Variants in CCDC47 observed in about 807,000 individuals in gnomAD.
The protein encoded by CCDC47 is coiled-coil domain containing 47, also known as PAT complex subunit CCDC47.
CCDC47 carries 41 observed loss-of-function variants against 60.5 expected under a neutral mutation model. The observed-to-expected ratio is 0.68, with a 90% CI of 0.53 to 0.88. The LOEUF is 0.88. Among genes scored for constraint, CCDC47 ranks in the 40% least tolerant of loss-of-function variants. The pLI is 0.00. For synonymous variants in CCDC47, 195 were observed against 190.7 expected, an observed-to-expected ratio of 1.02 and a Z score of -0.18; for missense variants, 513 against 580.9, an observed-to-expected ratio of 0.88 and a Z score of 1.20.
chr17:63,753,647 T>C, intron 9 of CCDC47: 4 of 982,908 alleles, frequency 4.1e-6, no homozygotes, highest in Non-Finnish European at 4.8e-6. Context: ...ACAGTATTAC[T>C]ATAAAGCTAG....
In CCDC47 at chr17:63,752,422, G is replaced by T; in HGVS notation, c.1101C>A (p.Gly367=). The T allele has an allele frequency of 6.2e-7, 1 of 1,605,004 alleles. No homozygotes were observed. Among genetic ancestry groups the T allele is most frequent in the Non-Finnish European group, 8.5e-7 (1 of 1,174,700 alleles). The change falls in exon 11 of 13, where the codon GGC becomes GGA. Residue 367 remains glycine, a synonymous_variant. Transcript: ENST00000225726. The stretch of plus-strand genomic sequence containing the variant: ...TATCCTTTGGGTAAGTGTTACCTGA[G>T]CCAGGCACTGGAAAACAAAGCCATT... ...RTLLFTFNVP[G]SGNTYPKDME...
At chr17:63,767,941 G>C (rs1283410230) in intron 1 of CCDC47, among the ~76,000 whole-genome samples, 1 of 151,968 alleles carries the variant, frequency 6.6e-6, no homozygotes, top group Non-Finnish European at 1.5e-5. Context: ...TCAAATCCTG[G>C]TGTTTCCTTC....
In CCDC47 at chr17:63,765,933, A is replaced by C. The variant is rs187171771; in HGVS notation, c.243T>G (p.Asp81Glu). The change falls in exon 2 of 13, where the codon GAT becomes GAG. Residue 81 changes from aspartate (D) to glutamate (E), a missense_variant. Coordinates refer to ENST00000225726, the MANE Select transcript of CCDC47 (RefSeq NM_020198.3). ...LEGQDENQEG[D>E]FEDADTQEGD... is the part of the protein sequence containing the mutation. ...TCACCTGGGTATCTGCATCTTCAAAATCTCCTTCTTGGTTTTCATCCTGCC... is the reference window on the plus strand; with the variant it reads ...TCACCTGGGTATCTGCATCTTCAAACTCTCCTTCTTGGTTTTCATCCTGCC... 6.2e-7 allele frequency: 1 copy of C among 1,612,386 alleles called. No individual in the cohort carries two copies. The highest frequency in any genetic ancestry group is 2.2e-5 in the East Asian group (1 of 44,820).
intron 1 of CCDC47, among the ~76,000 whole-genome samples, chr17:63,770,032 G>A (rs2039326109): frequency 2.0e-5 from 3 of 149,954 alleles, no homozygotes; most frequent in Non-Finnish European, 3.0e-5. Context: ...GTGATCTCGG[G>A]TCACTGCAAC....
chr17:63,752,343 T>C lies in CCDC47; in HGVS notation c.1180A>G (p.Lys394Glu). ...NMVIYSIDKA[K>E]KFRLNREGKQ... ...ACTTCTCTGTTGAGTCGGAACTTTT[T>C]GGCTTTATCAATAGAATAAATCACC... The change falls in exon 11 of 13, where the codon AAA (lysine) becomes GAA (glutamate). Residue 394 changes from lysine to glutamate, a missense_variant. Transcript: ENST00000225726. The C allele has an allele frequency of 6.2e-7, 1 of 1,613,658 alleles. No individual in the cohort carries two copies. The highest frequency in any genetic ancestry group is 2.2e-5 in the East Asian group (1 of 44,878).
At chr17:63,748,624 A>C (rs8067064) in intron 12 of CCDC47, among the ~76,000 whole-genome samples, 40,616 of 151,988 alleles carry the variant, frequency 0.27, 5,654 homozygotes, top group Middle Eastern at 0.37. Flanking sequence ...CATATTACAC[A>C]CATGTGTAAA....
rs887429036 is a variant in CCDC47 at position 63,746,812 on chromosome 17, G to C, written c.*69C>G. 3 of 1,131,762 alleles carry C rather than the reference G, an allele frequency of 2.7e-6. No individual in the cohort carries two copies. In the African/African-American group the frequency reaches 4.6e-5, roughly 17 times the overall value. 70.1% of individuals were successfully genotyped at this position (1,131,762 alleles called of 1,614,324 possible). A position where few individuals can be genotyped will look rare whatever the true frequency, so the allele number is the denominator to read the frequency against. On this transcript the variant is annotated 3_prime_UTR_variant, in exon 13 of 13. Transcript: ENST00000225726. ...AAATTTAAGGTTGAGAAATGGACTG[G>C]CGTTTTTCATGTTTCCTGTGAATTC...
At chr17:63,751,712 G>C (rs1394268958) in intron 12 of CCDC47, 3 of 583,578 alleles carry the variant, frequency 5.1e-6, no homozygotes, top group South Asian at 2.2e-5. Flanking sequence ...ATTGTGCTGG[G>C]GGAACAGGAT....
chr17:63,769,019 G>C (rs2039316598), intron 1 of CCDC47, among the ~76,000 whole-genome samples: 1 of 151,818 alleles, frequency 6.6e-6, no homozygotes, highest in African/African-American at 2.4e-5. Context: ...GGGAGGCAGA[G>C]GTTGCTGTGA....
chr17:63,752,181 T>A, intron 11 of CCDC47, 74 bp from the exon 12 acceptor site: 1 of 1,562,922 alleles, frequency 6.4e-7, no homozygotes, highest in Admixed American at 1.8e-5. Context: ...TTTAGCATTC[T>A]TTCATAAAAC....
intron 12 of CCDC47, 110 bp downstream of exon 12, chr17:63,751,827 ATGT>A (rs759463807): frequency 1.7e-6 from 2 of 1,151,220 alleles, no homozygotes. Flanking sequence ...AATGTCCCAA[ATGT>A]TGAGAAAATG....
rs770930100 is a variant in CCDC47, at chr17:63,759,527, TTATATATATATATATATATATA to T, written c.735+1365_735+1386del. ...AAAAAAAATATATATATATATATAT[TTATATATATATATATATATATA>T]TATATATATATATATATATATATAT... On this transcript the variant is annotated intron_variant, in intron 6 of 12. Transcript: ENST00000225726. Among the ~76,000 whole-genome samples the T allele has an allele frequency of 8.3e-3, 33 of 3,958 alleles. 4 individuals carry two copies. The highest frequency in any genetic ancestry group is 0.029 in the East Asian group (4 of 140). The allele number at this position is 3,958 out of a possible 152,430, so 2.6% of individuals were successfully genotyped here.
intron 1 of CCDC47, among the ~76,000 whole-genome samples, chr17:63,768,800 A>G (rs1347727246): frequency 6.6e-6 from 1 of 151,832 alleles, no homozygotes; most frequent in Non-Finnish European, 1.5e-5. Context: ...GCTTTTAAAA[A>G]TTAGCCAAGT....
intron 1 of CCDC47, chr17:63,767,000 TC>T: frequency 1.1e-6 from 1 of 934,902 alleles, no homozygotes; most frequent in Non-Finnish European, 1.3e-6. Context: ...TAGACACTGT[TC>T]CAAAGACTTT....
chr17:63,765,583 GC>G (rs1158909473), intron 2 of CCDC47: 1 of 446,676 alleles, frequency 2.2e-6, no homozygotes, highest in Non-Finnish European at 3.0e-6. Flanking sequence ...TGGGTGATCT[GC>G]CTGCCTTGGC....
intron 9 of CCDC47, chr17:63,753,105 G>T: frequency 2.8e-6 from 1 of 359,980 alleles, no homozygotes; most frequent in Non-Finnish European, 3.9e-6. Flanking sequence ...TAAGTATGAG[G>T]CCCATATTTT....
chr17:63,748,188 A>G (rs1425844196), intron 12 of CCDC47, among the ~76,000 whole-genome samples: 2 of 149,720 alleles, frequency 1.3e-5, no homozygotes, highest in African/African-American at 4.9e-5. Flanking sequence ...TGTTTTTGAG[A>G]CAGAATTCTT....
At chr17:63,750,741 C>G (rs749845949) in intron 12 of CCDC47, among the ~76,000 whole-genome samples, 1 of 152,010 alleles carries the variant, frequency 6.6e-6, no homozygotes, top group African/African-American at 2.4e-5. Flanking sequence ...CGCGCCACCA[C>G]GCCCAGCTGA....
Position 63,759,557 on chromosome 17 carries a change from A to T in CCDC47, c.735+1357T>A, listed in dbSNP as rs1413589152. Among the ~76,000 whole-genome samples the T allele has an allele frequency of 6.8e-5, 6 of 88,438 alleles. 1 individual carries two copies. The highest frequency in any genetic ancestry group is 8.7e-5 in the African/African-American group (2 of 23,024). 58.0% of individuals were successfully genotyped at this position (88,438 alleles called of 152,430 possible). ...TATATATATATATATATATATATAT[A>T]TATATATATATATATATATAAAACA... On this transcript the variant is annotated intron_variant, in intron 6 of 12. Coordinates refer to ENST00000225726, the MANE Select transcript of CCDC47 (RefSeq NM_020198.3).
Sources: allele counts gnomAD v4.1 joint callset (sites outside exome capture counted in the v4.1 genomes callset), GRCh38; gene constraint gnomAD v4.1.1; transcripts MANE v1.5; gene names NCBI Gene and HGNC (gene_info 2026-07-23, HGNC 2026-07-21).